Variants in TRRAP observed in about 807,000 individuals in gnomAD.
The protein encoded by TRRAP is transformation/transcription domain associated protein.
Under a neutral mutation model 438.8 loss-of-function variants are expected in TRRAP, and 41 were observed. That is an observed-to-expected ratio of 0.09 (90% CI 0.07 to 0.12). The LOEUF is 0.12. Among genes scored for constraint, TRRAP ranks in the 10% least tolerant of loss-of-function variants. TRRAP has a pLI of 1.00. For missense variants in TRRAP, 3,122 were observed against 5,055.1 expected, an observed-to-expected ratio of 0.62 and a Z score of 11.60; for synonymous variants, 1,994 against 1,962.9, an observed-to-expected ratio of 1.02 and a Z score of -0.42.
rs192257478 is a variant in TRRAP, at chr7:98,977,243, C to A, written c.8385+167C>A. On this transcript the variant is annotated intron_variant, in intron 56 of 72. Transcript: ENST00000456197. ...GTGGCACAATCTCGGCTCACTGCAACCTCCACCTCCCAGGTTCAAGCGATT... is the reference window on the plus strand; with the variant it reads ...GTGGCACAATCTCGGCTCACTGCAAACTCCACCTCCCAGGTTCAAGCGATT... 5.9e-5 allele frequency among the ~76,000 whole-genome samples: 9 copies of A among 152,270 alleles called. No individual in the cohort carries two copies. The East Asian group carries it at 1.7e-3, about 29-fold the overall frequency.
chr7:98,958,079 C>T lies in TRRAP; in HGVS notation c.6330C>T (p.Arg2110=), dbSNP rs782000637. 1.1e-5 allele frequency: 17 copies of T among 1,614,018 alleles called. No individual in the cohort carries two copies. The highest frequency in any genetic ancestry group is 8.3e-5 in the Admixed American group (5 of 59,994). Residue 2110 remains arginine (R), a synonymous_variant, in exon 44 of 73, where the codon CGC becomes CGT. Coordinates refer to ENST00000456197, the MANE Select transcript of TRRAP (RefSeq NM_001375524.1). ...ACACTGTGGTGAACTTCCTTATCCGCGTGGCCTGTCAGGTACGGGATCCAA... is the reference window on the plus strand; with the variant it reads ...ACACTGTGGTGAACTTCCTTATCCGTGTGGCCTGTCAGGTACGGGATCCAA... ...HTDTVVNFLI[R]VACQVNDNTN...
intron 8 of TRRAP, 122 bp downstream of exon 8, chr7:98,897,988 A>G: frequency 1.4e-6 from 2 of 1,472,028 alleles, no homozygotes; most frequent in East Asian, 4.6e-5. Flanking sequence ...TGTGCCTGGC[A>G]AAGCATCACT....
chr7:98,965,976 T>C (rs1289414042), intron 49 of TRRAP, 81 bp downstream of exon 49: 2 of 1,510,486 alleles, frequency 1.3e-6, no homozygotes, highest in East Asian at 4.8e-5. Flanking sequence ...TTTCTGAAAC[T>C]TGAAGCAAAA....
intron 6 of TRRAP, among the ~76,000 whole-genome samples, chr7:98,894,289 C>T (rs1476812392): frequency 6.6e-6 from 1 of 152,004 alleles, no homozygotes; most frequent in Non-Finnish European, 1.5e-5. Context: ...TGTAAAGTGA[C>T]AATAATCATA....
chr7:98,901,703 C>T (rs183826728), intron 11 of TRRAP, among the ~76,000 whole-genome samples: 17 of 152,238 alleles, frequency 1.1e-4, no homozygotes, highest in African/African-American at 3.9e-4. Flanking sequence ...CATGCACTAC[C>T]ATGCCTGGCT....
At position 98,990,541 on chromosome 7, in the gene TRRAP, G is replaced by A; in HGVS notation, c.9678G>A (p.Gln3226=). The change falls in exon 64 of 73, where the codon CAG becomes CAA. Residue 3226 remains glutamine, a synonymous_variant. Coordinates refer to ENST00000456197, the MANE Select transcript of TRRAP (RefSeq NM_001375524.1). ...DKYCIGVPPI[Q]WLAWIPQLLT... ...ACTGCATTGGTGTGCCACCCATCCA[G>A]TGGCTGGCCTGGATCCCACAGCTGC... 1 of 1,614,198 alleles carries A rather than the reference G, an allele frequency of 6.2e-7. No individual in the cohort carries two copies. The highest frequency in any genetic ancestry group is 8.5e-7 in the Non-Finnish European group (1 of 1,180,004).
intron 22 of TRRAP, 146 bp downstream of exon 22, chr7:98,925,409 G>A: frequency 8.3e-7 from 1 of 1,198,320 alleles, no homozygotes; most frequent in South Asian, 1.6e-5. Flanking sequence ...CCTTCTTGTT[G>A]GGGCCTTAGA....
intron 67 of TRRAP, chr7:98,999,369 A>G: frequency 2.2e-6 from 3 of 1,394,960 alleles, no homozygotes; most frequent in Non-Finnish European, 3.0e-6. Context: ...CACATCCTGC[A>G]CAGCTCTCTC....
chr7:98,917,332 A>G (rs1191304619), intron 19 of TRRAP, 91 bp from the exon 20 acceptor site: 25 of 1,535,708 alleles, frequency 1.6e-5, no homozygotes, highest in Non-Finnish European at 2.2e-5. Flanking sequence ...GATGTGCACA[A>G]GAGAAGGAGG....
intron 3 of TRRAP, among the ~76,000 whole-genome samples, chr7:98,882,934 C>T (rs1408481463): frequency 2.6e-5 from 4 of 152,240 alleles, no homozygotes; most frequent in Non-Finnish European, 5.9e-5. Flanking sequence ...GCTGGGATTA[C>T]AGGCATGGGC....
intron 30 of TRRAP, among the ~76,000 whole-genome samples, chr7:98,940,660 C>T (rs944230963): frequency 6.6e-6 from 1 of 152,158 alleles, no homozygotes; most frequent in Admixed American, 6.5e-5. Flanking sequence ...ATTTTTTCCT[C>T]CCTTTTCTGC....
intron 62 of TRRAP, 83 bp from the exon 63 acceptor site, chr7:98,988,682 A>G (rs1793257188): frequency 4.6e-6 from 7 of 1,505,770 alleles, no homozygotes; most frequent in Non-Finnish European, 6.3e-6. Flanking sequence ...CGCAGTGTTC[A>G]TTTTATAATG....
rs1443499874 is a variant in TRRAP, at chr7:98,949,505, G to C, written c.4877G>C (p.Gly1626Ala). 1.9e-6 allele frequency: 3 copies of C among 1,610,390 alleles called. No individual in the cohort carries two copies. The highest frequency in any genetic ancestry group is 4.5e-5 in the East Asian group (2 of 44,788). The change falls in exon 36 of 73, where the codon GGT (glycine) becomes GCT (alanine). Residue 1626 changes from glycine (G) to alanine (A), a missense_variant. Physicochemically the swap from Gly to Ala is moderately conservative, Grantham distance 60. Transcript: ENST00000456197. ...NRFITLLLPG[G>A]AQTAVRPGSP... is the part of the protein sequence containing the mutation. The stretch of plus-strand genomic sequence containing the variant: ...TTCATCACCCTGCTGCTGCCGGGGG[G>C]TGCCCAGACGGCTGTGCGCCCCGGT...
chr7:98,960,896 C>T (rs1584363719), intron 45 of TRRAP, among the ~76,000 whole-genome samples: 1 of 151,922 alleles, frequency 6.6e-6, no homozygotes, highest in Non-Finnish European at 1.5e-5. Context: ...GGATTACAGG[C>T]GTAACCACTG....
chr7:98,899,774 C>T lies in TRRAP; in HGVS notation c.800+7C>T, dbSNP rs376607029. On this transcript the variant is annotated splice_region_variant and intron_variant, in intron 10 of 72. Coordinates refer to ENST00000456197, the MANE Select transcript of TRRAP (RefSeq NM_001375524.1). ...AGGTGTCTGCACAAGCGAGGTGAGG[C>T]GTCACTGTAGCCGGCTGCCACAGTG... 8.1e-6 allele frequency: 13 copies of T among 1,613,634 alleles called. No homozygotes were observed. Among genetic ancestry groups the T allele is most frequent in the African/African-American group, 2.7e-5 (2 of 74,876 alleles).
rs746273248 is a variant in TRRAP at position 98,994,611 on chromosome 7, C to T, written c.10072C>T (p.Leu3358=). The T allele has an allele frequency of 6.2e-7, 1 of 1,614,200 alleles. No individual in the cohort carries two copies. Among genetic ancestry groups the T allele is most frequent in the Admixed American group, 1.7e-5 (1 of 60,026 alleles). ...EEVLRQLQQG[L]AKCYSVAFEK... ...GGTTCTCAGGCAGCTCCAACAGGGC[C>T]TGGCGAAATGTTACTCCGTGGCGTT... Residue 3358 remains leucine, a synonymous_variant, in exon 67 of 73, where the codon CTG becomes TTG. Transcript: ENST00000456197. This position sits in a 1 kb window ranked among gnomAD's most constrained non-coding sequence, Gnocchi z 4.8.
At chr7:98,933,090 C>T (rs1165726468) in intron 26 of TRRAP, 151 bp from the exon 27 acceptor site, 21 of 1,054,454 alleles carry the variant, frequency 2.0e-5, no homozygotes, top group African/African-American at 3.2e-5. Context: ...TCTCCACGAC[C>T]GAGGTTTTGC....
chr7:98,962,487 C>T, intron 47 of TRRAP, 60 bp downstream of exon 47: 1 of 1,609,458 alleles, frequency 6.2e-7, no homozygotes, highest in East Asian at 2.2e-5. Context: ...TCCCCGCTCA[C>T]TGGACGTGCT....
chr7:98,930,974 A>G (rs1191359478), intron 25 of TRRAP, 144 bp downstream of exon 25: 3 of 1,122,454 alleles, frequency 2.7e-6, no homozygotes, highest in Non-Finnish European at 3.8e-6. Context: ...CATCTTCACT[A>G]AAAGGACAGC....
Sources: allele counts gnomAD v4.1 joint callset (sites outside exome capture counted in the v4.1 genomes callset), GRCh38; gene constraint gnomAD v4.1.1; non-coding constraint Gnocchi (gnomAD v3.1); transcripts MANE v1.5; gene names NCBI Gene and HGNC (gene_info 2026-07-23, HGNC 2026-07-21).